ERCC6: variants seen among roughly 807,000 people sequenced by gnomAD.
ERCC6 encodes DNA excision repair protein ERCC-6.
Under a neutral mutation model 158.7 loss-of-function variants are expected in ERCC6, and 116 were observed. The ratio of observed to expected loss-of-function variants is 0.73; its 90% CI spans 0.63 to 0.85. ERCC6 has a LOEUF of 0.85. Ranked by LOEUF, ERCC6 falls within the 40% of genes least tolerant of loss-of-function variation. ERCC6 has a pLI of 0.00. For missense variants in ERCC6, 1,698 were observed against 1,799.4 expected (o/e 0.94, Z 1.02); for synonymous variants, 678 against 659.3 (o/e 1.03, Z -0.43).
chr10:49,447,916 C>T, the ERCC6 span, among the ~76,000 whole-genome samples: 1 of 151,640 alleles, frequency 6.6e-6, no homozygotes, highest in African/African-American at 2.4e-5. Context: ...GTAGATAGAC[C>T]ACATTTTGTT....
Position 49,482,731 on chromosome 10 carries a change from C to T in ERCC6, c.2125G>A (p.Val709Ile), listed in dbSNP as rs369437807. The change falls in exon 10 of 21, where the codon GTC (valine) becomes ATC (isoleucine). Residue 709 changes from valine (V) to isoleucine (I), a missense_variant. By Grantham distance (29) the Val-to-Ile change is conservative (BLOSUM62 3). Transcript: ENST00000355832. ...TLPVFMEQFS[V>I]PITMGGYSNA... The stretch of plus-strand genomic sequence containing the variant: ...GAATATCCCCCCATGGTGATGGGGA[C>T]GGAGAACTGCTCCATAAACACAGGC... 112 of 1,613,498 alleles carry T rather than the reference C, an allele frequency of 6.9e-5. No homozygotes were observed. The highest frequency in any genetic ancestry group is 5.6e-4 in the East Asian group (25 of 44,834).
intron 5 of ERCC6, among the ~76,000 whole-genome samples, chr10:49,521,237 C>G (rs904903118): frequency 6.6e-6 from 1 of 152,216 alleles, no homozygotes; most frequent in Non-Finnish European, 1.5e-5. Flanking sequence ...GTAACAAGGA[C>G]TGGGGACAAG....
chr10:49,532,561 G>A lies in ERCC6; in HGVS notation c.404C>T (p.Ser135Leu), dbSNP rs114768774. Residue 135 changes from serine to leucine, a missense_variant, in exon 2 of 21, where the codon TCG becomes TTG. Coordinates refer to ENST00000355832, the MANE Select transcript of ERCC6 (RefSeq NM_000124.4). ...QLVDVEKEYR[S>L]VLDDLTSCTT... is the part of the protein sequence containing the mutation. ...CACTCACGTGAGGTCATCCAGGACCGACCGATACTCCTTCTCCACGTCAAC... is the reference window on the plus strand; with the variant it reads ...CACTCACGTGAGGTCATCCAGGACCAACCGATACTCCTTCTCCACGTCAAC... 1.9e-5 allele frequency: 31 copies of A among 1,614,024 alleles called. No individual in the cohort carries two copies. Among genetic ancestry groups the A allele is most frequent in the Admixed American group, 5.0e-5 (3 of 60,030 alleles).
rs1564442022 is a variant in ERCC6, at chr10:49,524,092, A to ACCG, written c.1337_1338insCGG (p.Gly446dup). On this transcript the variant is annotated inframe_insertion, in exon 5 of 21. Coordinates refer to ENST00000355832, the MANE Select transcript of ERCC6 (RefSeq NM_000124.4). ...CATCTCGGTATCTTCCCACTTTCCG[A>ACCG]CCTCCTCCTCCTCCTTCTCCTACAG... 2 of 1,612,842 alleles carry ACCG rather than the reference A, an allele frequency of 1.2e-6. No homozygotes were observed. Among genetic ancestry groups the ACCG allele is most frequent in the South Asian group, 2.2e-5 (2 of 91,012 alleles).
intron 7 of ERCC6, among the ~76,000 whole-genome samples, chr10:49,497,457 C>T (rs558338364): frequency 3.3e-5 from 5 of 152,218 alleles, no homozygotes; most frequent in Non-Finnish European, 7.3e-5. Context: ...CAAACTGCTA[C>T]ATTGATGACT....
intron 5 of ERCC6, among the ~76,000 whole-genome samples, chr10:49,520,701 G>T (rs1837133000): frequency 1.3e-5 from 2 of 152,120 alleles, no homozygotes; most frequent in Admixed American, 6.5e-5. Flanking sequence ...CCCAAACAGG[G>T]CCTCGGAGCC....
chr10:49,450,818 T>G (rs1850411180), downstream of ERCC6, among the ~76,000 whole-genome samples: 1 of 52,926 alleles, frequency 1.9e-5, no homozygotes, highest in Non-Finnish European at 5.8e-5. Flanking sequence ...GAAATACGAT[T>G]TTTTTTTTTT....
intron 18 of ERCC6, among the ~76,000 whole-genome samples, chr10:49,468,618 CGTAT>C (rs1466533367): frequency 1.3e-5 from 2 of 152,126 alleles, no homozygotes; most frequent in African/African-American, 4.8e-5. Flanking sequence ...TATATATGCA[CGTAT>C]GTATGTGTAT....
intron 7 of ERCC6, among the ~76,000 whole-genome samples, chr10:49,498,297 T>C (rs1304609119): frequency 2.0e-5 from 3 of 152,188 alleles, no homozygotes; most frequent in Non-Finnish European, 4.4e-5. Flanking sequence ...TTAGGGCCCC[T>C]CTACAGTTTG....
At chr10:49,530,093 A>G (rs1299421360) in intron 3 of ERCC6, among the ~76,000 whole-genome samples, 1 of 152,044 alleles carries the variant, frequency 6.6e-6, no homozygotes, top group Non-Finnish European at 1.5e-5. Context: ...CAATTAGAGG[A>G]AGCAAGGGCT....
At chr10:49,499,936 T>C (rs998259870) in intron 7 of ERCC6, among the ~76,000 whole-genome samples, 10 of 152,106 alleles carry the variant, frequency 6.6e-5, no homozygotes, top group East Asian at 5.8e-4. Flanking sequence ...AGTTCATAGA[T>C]TGGGAAGGGC....
At chr10:49,477,797 C>T (rs1054482124) in intron 11 of ERCC6, among the ~76,000 whole-genome samples, 5 of 152,206 alleles carry the variant, frequency 3.3e-5, no homozygotes, top group African/African-American at 9.6e-5. Context: ...CTTGCTCCTT[C>T]GCCTTCTTTA....
intron 10 of ERCC6, among the ~76,000 whole-genome samples, chr10:49,481,338 T>A (rs2132550018): frequency 6.6e-6 from 1 of 152,242 alleles, no homozygotes; most frequent in South Asian, 2.1e-4. Flanking sequence ...AAATAAATTT[T>A]TTTAAAAAAA....
intron 18 of ERCC6, among the ~76,000 whole-genome samples, chr10:49,461,883 C>CTT (rs1850589839): frequency 6.6e-6 from 1 of 152,124 alleles, no homozygotes; most frequent in South Asian, 2.1e-4. Flanking sequence ...ATGGAGAAGA[C>CTT]ATGAAAACAC....
chr10:49,518,132 T>TAG (rs1436127679), intron 5 of ERCC6, among the ~76,000 whole-genome samples: 1 of 152,218 alleles, frequency 6.6e-6, no homozygotes. Context: ...AAACAGGTGC[T>TAG]AGACAGAAGG....
chr10:49,535,222 A>G lies in ERCC6; in HGVS notation c.-14-2244T>C, dbSNP rs974683204. Among the ~76,000 whole-genome samples, 6 of 152,232 alleles carry G rather than the reference A, an allele frequency of 3.9e-5. No homozygotes were observed. In the South Asian group the frequency reaches 1.2e-3, roughly 32 times the overall value. On this transcript the variant is annotated intron_variant, in intron 1 of 20. Transcript: ENST00000355832. ...TGAGACTCTCAAAAAGGAAGCAGATAGGAAGCAGGACTGGCAAGCAGCTTA... is the reference window on the plus strand; with the variant it reads ...TGAGACTCTCAAAAAGGAAGCAGATGGGAAGCAGGACTGGCAAGCAGCTTA...
intron 5 of ERCC6, among the ~76,000 whole-genome samples, chr10:49,514,444 GATC>G (rs1836890449): frequency 6.6e-6 from 1 of 152,162 alleles, no homozygotes; most frequent in African/African-American, 2.4e-5. Context: ...AGTTGCCTGA[GATC>G]ATATTAATAA....
At chr10:49,495,184 G>T in intron 7 of ERCC6, among the ~76,000 whole-genome samples, 1 of 152,058 alleles carries the variant, frequency 6.6e-6, no homozygotes, top group Non-Finnish European at 1.5e-5. Context: ...AGTCTTGCTG[G>T]GAGTTGGGTG....
intron 19 of ERCC6, 41 bp downstream of exon 19, chr10:49,461,311 G>A: frequency 1.9e-6 from 3 of 1,584,940 alleles, no homozygotes; most frequent in Non-Finnish European, 2.6e-6. Context: ...AGCCTTAGTT[G>A]TTTGGACTCC....
Sources: allele counts gnomAD v4.1 joint callset (sites outside exome capture counted in the v4.1 genomes callset), GRCh38; gene constraint gnomAD v4.1.1; transcripts MANE v1.5; gene names NCBI Gene and HGNC (gene_info 2026-07-23, HGNC 2026-07-21).